Variants in PCNX4 observed in about 807,000 individuals in gnomAD.
The protein encoded by PCNX4 is pecanex 4.
Under a neutral mutation model 107.2 loss-of-function variants are expected in PCNX4, and 103 were observed. That is an observed-to-expected ratio of 0.96 (90% CI 0.82 to 1.13). PCNX4 has a LOEUF of 1.13. Ranked by LOEUF, PCNX4 falls within the 50% of genes most tolerant of loss-of-function variation. The pLI, the probability that PCNX4 is intolerant of heterozygous loss-of-function variation, is 0.00. For missense variants in PCNX4, 1,528 were observed against 1,379.4 expected (o/e 1.11, Z -1.71); for synonymous variants, 541 against 481.7 (o/e 1.12, Z -1.61).
chr14:60,105,946 T>TAGATAACTTGTGTCAGAATGCTTATCCC (rs1895619930), intron 1 of PCNX4, among the ~76,000 whole-genome samples: 1 of 152,222 alleles, frequency 6.6e-6, no homozygotes, highest in Non-Finnish European at 1.5e-5. Flanking sequence ...GCATCTTCCA[T>TAGATAACTTGTGTCAGAATGCTTATCCC]AGATAACTTG....
intron 2 of PCNX4, chr14:60,111,260 T>A (rs555813085): frequency 6.6e-6 from 1 of 152,184 alleles, no homozygotes. Flanking sequence ...TCCTTGGGTG[T>A]CTGTTTGCAA....
chr14:60,121,171 T>TTTTTTTTTTTTTTA, intron 7 of PCNX4, 25 bp from the exon 8 acceptor site: 1 of 1,509,662 alleles, frequency 6.6e-7, no homozygotes, highest in Non-Finnish European at 8.8e-7. Context: ...CTTTTTTTTT[T>TTTTTTTTTTTTTTA]TTTTTTTTTT....
chr14:60,128,673 CTG>C (rs1280533496), intron 10 of PCNX4, among the ~76,000 whole-genome samples: 2 of 152,132 alleles, frequency 1.3e-5, no homozygotes, highest in Admixed American at 6.5e-5. Context: ...ATAAAGGTAA[CTG>C]TGTAATTATA....
chr14:60,111,644 G>A (rs533457657), intron 2 of PCNX4, among the ~76,000 whole-genome samples: 1 of 152,164 alleles, frequency 6.6e-6, no homozygotes, highest in South Asian at 2.1e-4. Flanking sequence ...GTGAATCCTA[G>A]GTTCTTTAAT....
chr14:60,095,111 A>G (rs764861278), intron 1 of PCNX4, among the ~76,000 whole-genome samples: 54 of 152,300 alleles, frequency 3.5e-4, no homozygotes, highest in Non-Finnish European at 6.3e-4. Context: ...AGGCAAGTCT[A>G]TGTCTTTCTT....
chr14:60,111,380 A>G (rs1278915533), intron 2 of PCNX4, among the ~76,000 whole-genome samples: 5 of 152,348 alleles, frequency 3.3e-5, no homozygotes, highest in South Asian at 4.1e-4. Context: ...GGATTAATCA[A>G]CAGGAAATCC....
chr14:60,142,477 T>G lies in PCNX4; in HGVS notation c.*8256T>G, dbSNP rs1896317769. 7.4e-6 allele frequency: 1 copy of G among 135,834 alleles called. No individual in the cohort carries two copies. The highest frequency in any genetic ancestry group is 3.3e-5 in the African/African-American group (1 of 30,012). 8.4% of individuals were successfully genotyped at this position (135,834 alleles called of 1,614,324 possible). A position where few individuals can be genotyped will look rare whatever the true frequency, so the allele number is the denominator to read the frequency against. ...AATGAACACACCATTTTCTTCCTAC[T>G]TAAAAGTCCACTCAGGATAATGATT... On this transcript the variant is annotated 3_prime_UTR_variant, in exon 11 of 11. Transcript: ENST00000406854. This position sits in a 1 kb window ranked among gnomAD's most constrained non-coding sequence, Gnocchi z 4.7.
chr14:60,118,297 GATAA>G, intron 6 of PCNX4, 28 bp from the exon 7 acceptor site: 1 of 1,514,752 alleles, frequency 6.6e-7, no homozygotes, highest in Non-Finnish European at 8.8e-7. Context: ...ATCTTCTAAG[GATAA>G]ATAAAAATAA....
chr14:60,143,798 A>G lies in PCNX4; in HGVS notation c.*9577A>G, dbSNP rs1161326153. 1.3e-5 allele frequency: 2 copies of G among 152,232 alleles called. No homozygotes were observed. The highest frequency in any genetic ancestry group is 1.5e-5 in the Non-Finnish European group (1 of 68,050). The allele number at this position is 152,232 out of a possible 1,614,324, so 9.4% of individuals were successfully genotyped here. A position where few individuals can be genotyped will look rare whatever the true frequency, so the allele number is the denominator to read the frequency against. ...TGTATGTTACTTTGGCTCCAGCTCA[A>G]TTGTGAACTGCTTGTAGATAAGGAC... On this transcript the variant is annotated 3_prime_UTR_variant, in exon 11 of 11. Coordinates refer to ENST00000406854, the MANE Select transcript of PCNX4 (RefSeq NM_001330177.2).
rs1204842953 is a variant in PCNX4, at chr14:60,107,922, A to G, written c.284A>G (p.Lys95Arg). 6.2e-7 allele frequency: 1 copy of G among 1,612,878 alleles called. No homozygotes were observed. The highest frequency in any genetic ancestry group is 1.7e-5 in the Admixed American group (1 of 60,024). The change falls in exon 2 of 11, where the codon AAA (lysine) becomes AGA (arginine). Residue 95 changes from lysine to arginine, a missense_variant. By Grantham distance (26) the Lys-to-Arg change is conservative. Coordinates refer to ENST00000406854, the MANE Select transcript of PCNX4 (RefSeq NM_001330177.2). The stretch of plus-strand genomic sequence containing the variant: ...ATCCAGTTCACAAGTTTATACGCCA[A>G]AAACAAATCAACAACAGTAGAAAGA... ...FVIQFTSLYA[K>R]NKSTTVERIL...
rs1331039288 is a variant in PCNX4, at chr14:60,107,625, A to C, written c.-14A>C. ...CAGAAAAGCATGTGACTTTCAGAAT[A>C]ATCCCGAGTGAGGATGAGTCCAGAT... On this transcript the variant is annotated 5_prime_UTR_variant, in exon 2 of 11. Coordinates refer to ENST00000406854, the MANE Select transcript of PCNX4 (RefSeq NM_001330177.2). The C allele has an allele frequency of 1.9e-6, 3 of 1,588,628 alleles. No homozygotes were observed. The highest frequency in any genetic ancestry group is 2.6e-6 in the Non-Finnish European group (3 of 1,166,436).
At chr14:60,115,858 T>C in intron 5 of PCNX4, 39 bp downstream of exon 5, 2 of 1,591,610 alleles carry the variant, frequency 1.3e-6, no homozygotes, top group African/African-American at 2.7e-5. Context: ...TTCCTATTGC[T>C]AAGTTTTATT....
chr14:60,120,970 A>G (rs1043731205), intron 7 of PCNX4, among the ~76,000 whole-genome samples: 13 of 152,106 alleles, frequency 8.5e-5, no homozygotes, highest in African/African-American at 3.1e-4. Flanking sequence ...TTGAGTTTTT[A>G]TGTAGTATCA....
chr14:60,095,018 G>A (rs913649424), intron 1 of PCNX4, among the ~76,000 whole-genome samples: 2 of 152,228 alleles, frequency 1.3e-5, no homozygotes, highest in Admixed American at 1.3e-4. Context: ...GGAATTTATA[G>A]TGGGTGTCAG....
At chr14:60,123,115 T>C (rs910998856) in intron 8 of PCNX4, among the ~76,000 whole-genome samples, 4 of 152,120 alleles carry the variant, frequency 2.6e-5, no homozygotes, top group African/African-American at 9.7e-5. Context: ...ACAAAAAATA[T>C]TGAGGACATT....
chr14:60,120,181 G>A (rs568924398), intron 7 of PCNX4, among the ~76,000 whole-genome samples: 7 of 152,234 alleles, frequency 4.6e-5, no homozygotes, highest in Admixed American at 4.6e-4. Context: ...GAGACCAGGT[G>A]CAAGTCTCCA....
chr14:60,132,104 C>G (rs1896165321), intron 10 of PCNX4, among the ~76,000 whole-genome samples: 1 of 152,042 alleles, frequency 6.6e-6, no homozygotes, highest in African/African-American at 2.4e-5. Flanking sequence ...AGCCAAGGTG[C>G]CAGTAGAGCC....
At chr14:60,115,663 T>C (rs1895832298) in intron 4 of PCNX4, 56 bp from the exon 5 acceptor site, 3 of 1,468,286 alleles carry the variant, frequency 2.0e-6, no homozygotes, top group South Asian at 1.2e-5. Context: ...GAATAAAATA[T>C]GGTAGAAGGA....
intron 1 of PCNX4, among the ~76,000 whole-genome samples, chr14:60,105,508 A>T (rs1397197874): frequency 3.3e-5 from 5 of 152,112 alleles, no homozygotes; most frequent in Non-Finnish European, 7.4e-5. Context: ...AACCATATAC[A>T]GCCATCTATA....
Sources: gnomAD v4.1 joint callset for allele counts (sites outside exome capture counted in the v4.1 genomes callset) on GRCh38, gnomAD v4.1.1 for gene constraint, Gnocchi (gnomAD v3.1) non-coding constraint, MANE v1.5 for transcripts, NCBI Gene and HGNC (gene_info 2026-07-23, HGNC 2026-07-21) for gene names.